CPED1: variants seen among roughly 807,000 people sequenced by gnomAD.
CPED1 encodes cadherin like and PC-esterase domain containing 1, also known as cadherin-like and PC-esterase domain-containing protein 1.
In CPED1, 114 loss-of-function variants were observed where a neutral mutation model predicts 128.2. That is an observed-to-expected ratio of 0.89 (90% CI 0.76 to 1.04). The LOEUF (loss-of-function observed/expected upper bound fraction) is 1.04, where lower values mean the gene tolerates loss of function less well. Ranked by LOEUF, CPED1 falls within the 50% of genes least tolerant of loss-of-function variation. The pLI is 0.00. For synonymous variants in CPED1, 462 were observed against 426.7 expected, an observed-to-expected ratio of 1.08 and a Z score of -1.02; for missense variants, 1,211 against 1,207.1, an observed-to-expected ratio of 1.00 and a Z score of -0.05.
intron 21 of CPED1, among the ~76,000 whole-genome samples, chr7:121,269,334 G>C (rs1158285257): frequency 2.0e-5 from 3 of 152,002 alleles, no homozygotes; most frequent in Non-Finnish European, 4.4e-5. Flanking sequence ...ACATGATTTT[G>C]TTCTTTAGGC....
chr7:121,003,586 A>G (rs1377505737), intron 2 of CPED1, among the ~76,000 whole-genome samples: 3 of 152,176 alleles, frequency 2.0e-5, no homozygotes, highest in Non-Finnish European at 4.4e-5. Context: ...TTCTAGAATG[A>G]ATATGTAATT....
At chr7:121,001,971 C>T (rs578183927) in intron 2 of CPED1, among the ~76,000 whole-genome samples, 2 of 150,190 alleles carry the variant, frequency 1.3e-5, no homozygotes, top group East Asian at 1.9e-4. Flanking sequence ...CATTTGGTGC[C>T]TCTTGGGAAA....
chr7:121,140,450 C>T (rs1173216382), intron 14 of CPED1, among the ~76,000 whole-genome samples: 6 of 151,992 alleles, frequency 3.9e-5, no homozygotes, highest in Non-Finnish European at 8.8e-5. Context: ...TGCCACCATC[C>T]CACAGAGCCA....
At chr7:121,183,217 C>T (rs758600790) in intron 16 of CPED1, among the ~76,000 whole-genome samples, 7 of 152,108 alleles carry the variant, frequency 4.6e-5, no homozygotes, top group Non-Finnish European at 8.8e-5. Context: ...GTAAAGCTTC[C>T]ACTCAGTTTA....
At chr7:121,020,641 A>G (rs1792416675) in intron 3 of CPED1, among the ~76,000 whole-genome samples, 1 of 151,930 alleles carries the variant, frequency 6.6e-6, no homozygotes, top group African/African-American at 2.4e-5. Flanking sequence ...TAAAATATAT[A>G]ATAACAAAAT....
chr7:121,208,305 G>A (rs772797027), intron 16 of CPED1, among the ~76,000 whole-genome samples: 3 of 151,974 alleles, frequency 2.0e-5, no homozygotes, highest in Non-Finnish European at 4.4e-5. Flanking sequence ...CTCAAGCTCT[G>A]TAACTCCCAT....
chr7:121,143,581 A>C (rs1487405826), intron 16 of CPED1, among the ~76,000 whole-genome samples: 1 of 152,024 alleles, frequency 6.6e-6, no homozygotes, highest in Non-Finnish European at 1.5e-5. Flanking sequence ...TAGCCACACC[A>C]AAAATGTTTA....
chr7:121,129,669 CAAGAGA>C (rs1402922172), intron 11 of CPED1, among the ~76,000 whole-genome samples: 1 of 151,708 alleles, frequency 6.6e-6, no homozygotes, highest in African/African-American at 2.4e-5. Flanking sequence ...AATTATTTTG[CAAGAGA>C]AAGAGAAAAT....
At chr7:121,076,062 T>G (rs1329728880) in intron 5 of CPED1, among the ~76,000 whole-genome samples, 1 of 152,148 alleles carries the variant, frequency 6.6e-6, no homozygotes, top group Non-Finnish European at 1.5e-5. Flanking sequence ...ATTCAGTACA[T>G]GGTCATAGTC....
intron 7 of CPED1, among the ~76,000 whole-genome samples, chr7:121,114,361 T>A: frequency 6.6e-6 from 1 of 152,216 alleles, no homozygotes; most frequent in Non-Finnish European, 1.5e-5. Context: ...AAGAGCTCAA[T>A]GCCTGAGGCA....
At chr7:121,244,058 T>C in intron 17 of CPED1, 144 bp from the exon 18 acceptor site, 1 of 929,912 alleles carries the variant, frequency 1.1e-6, no homozygotes. Context: ...CAGGAAGCCA[T>C]GCCTTCATTA....
intron 7 of CPED1, among the ~76,000 whole-genome samples, chr7:121,117,318 C>T (rs1455367877): frequency 6.6e-6 from 1 of 151,696 alleles, no homozygotes; most frequent in Non-Finnish European, 1.5e-5. Flanking sequence ...CTAGGCTTGT[C>T]TTGAACTAAT....
intron 5 of CPED1, among the ~76,000 whole-genome samples, chr7:121,095,872 T>C (rs1794687023): frequency 6.6e-6 from 1 of 152,162 alleles, no homozygotes; most frequent in Non-Finnish European, 1.5e-5. Context: ...TTCTGTGCTT[T>C]TTGGCAGCAA....
In CPED1 at chr7:121,248,526, A is replaced by G. The variant is rs141104641; in HGVS notation, c.2310+4188A>G. ...CTAACACATATTACTTTTATATGCCATCTACTGGATCATAGCCCAAACTGC... is the reference window on the plus strand; with the variant it reads ...CTAACACATATTACTTTTATATGCCGTCTACTGGATCATAGCCCAAACTGC... On this transcript the variant is annotated intron_variant, in intron 18 of 22. Coordinates refer to ENST00000310396, the MANE Select transcript of CPED1 (RefSeq NM_024913.5). Among the ~76,000 whole-genome samples the G allele has an allele frequency of 4.0e-3, 599 of 149,560 alleles. 1 individual carries two copies. The highest frequency in any genetic ancestry group is 0.014 in the African/African-American group (566 of 40,246).
At chr7:121,228,681 G>C (rs531423833) in intron 16 of CPED1, among the ~76,000 whole-genome samples, 1 of 151,402 alleles carries the variant, frequency 6.6e-6, no homozygotes, top group African/African-American at 2.4e-5. Context: ...TTTATCAAAG[G>C]GATACCTGCA....
chr7:121,269,033 T>C (rs569296810), intron 21 of CPED1, among the ~76,000 whole-genome samples: 3 of 152,054 alleles, frequency 2.0e-5, no homozygotes, highest in South Asian at 4.2e-4. Context: ...TTATATGGCT[T>C]ACACTGACAG....
At chr7:121,044,671 C>CTTTTTTTTTTTTTTTTTTTTT (rs1793147601) in intron 3 of CPED1, among the ~76,000 whole-genome samples, 2 of 30,698 alleles carry the variant, frequency 6.5e-5, no homozygotes, top group Admixed American at 3.9e-4. Context: ...TTTTTTTTTG[C>CTTTTTTTTTTTTTTTTTTTTT]TATTTACTTT....
intron 16 of CPED1, among the ~76,000 whole-genome samples, chr7:121,225,607 A>G (rs944366423): frequency 6.6e-6 from 1 of 152,186 alleles, no homozygotes; most frequent in African/African-American, 2.4e-5. Context: ...CATCACTTTC[A>G]GGTACACCAA....
intron 2 of CPED1, among the ~76,000 whole-genome samples, chr7:120,995,114 T>A (rs894566525): frequency 1.3e-5 from 2 of 152,244 alleles, no homozygotes; most frequent in Admixed American, 6.5e-5. Flanking sequence ...CTACCTAATA[T>A]GATATGCTCC....
Sources: allele counts gnomAD v4.1 joint callset (sites outside exome capture counted in the v4.1 genomes callset), GRCh38; gene constraint gnomAD v4.1.1; transcripts MANE v1.5; gene names NCBI Gene and HGNC (gene_info 2026-07-23, HGNC 2026-07-21).